Variants in CMPK2 observed in about 807,000 individuals in gnomAD.
CMPK2 encodes the protein UMP-CMP kinase 2, mitochondrial.
In CMPK2, 32 loss-of-function variants were observed where a neutral mutation model predicts 33.4. The observed-to-expected ratio is 0.96, with a 90% CI of 0.72 to 1.29. CMPK2 has a LOEUF of 1.29. CMPK2 is among the 50% of genes most tolerant of loss of function. CMPK2 has a pLI of 0.00. For missense variants in CMPK2, 672 were observed against 616.0 expected, an observed-to-expected ratio of 1.09 and a Z score of -0.96; for synonymous variants, 299 against 275.3, an observed-to-expected ratio of 1.09 and a Z score of -0.85.
chr2:6,844,557 A>G (rs1206605468), downstream of CMPK2, among the ~76,000 whole-genome samples: 1 of 152,142 alleles, frequency 6.6e-6, no homozygotes, highest in Non-Finnish European at 1.5e-5. Context: ...TGCACATCCA[A>G]AAGTGTTTTC....
intron 1 of CMPK2, 77 bp downstream of exon 1, chr2:6,864,945 C>A (rs2103230035): frequency 7.4e-7 from 1 of 1,348,140 alleles, no homozygotes; most frequent in East Asian, 3.1e-5. Flanking sequence ...GCTCTACAGA[C>A]CAGCCTCTTG....
At chr2:6,854,541 G>A (rs1662626759) in intron 3 of CMPK2, among the ~76,000 whole-genome samples, 1 of 152,152 alleles carries the variant, frequency 6.6e-6, no homozygotes, top group South Asian at 2.1e-4. Context: ...ACACAAAGAA[G>A]ACAAATCAAG....
exon 4 of CMPK2, chr2:6,840,632 C>T (rs1369673396): frequency 1.0e-5 from 7 of 702,092 alleles, no homozygotes; most frequent in African/African-American, 3.5e-5. Context: ...ACTTCACTGC[C>T]GAGCAGGTGG....
At chr2:6,865,996 C>G, upstream of CMPK2, 1 of 713,226 alleles carries the variant, frequency 1.4e-6, no homozygotes, top group South Asian at 2.2e-5. Flanking sequence ...TCCCCAGGCG[C>G]CGGCTCCCGG....
chr2:6,850,617 C>A (rs1662489118), intron 4 of CMPK2: 1 of 433,674 alleles, frequency 2.3e-6, no homozygotes, highest in Admixed American at 6.4e-5. Context: ...GTCTCAGTTT[C>A]CTGTTCTGCA....
chr2:6,865,489 C>T lies in CMPK2; in HGVS notation c.208G>A (p.Glu70Lys), dbSNP rs1472941797. 9 of 1,269,050 alleles carry T rather than the reference C, an allele frequency of 7.1e-6. No homozygotes were observed. In the African/African-American group the frequency reaches 7.8e-5, roughly 11 times the overall value. The allele number at this position is 1,269,050 out of a possible 1,614,324, so 78.6% of individuals were successfully genotyped here. ...PRLAALLGPP[E>K]RSYSLCVPVT... ...GGCACGCACAGCGAGTAGCTGCGCT[C>T]CGGGGGCCCCAGCAGCGCCGCCAGG... Residue 70 changes from glutamate (E) to lysine (K), a missense_variant, in exon 1 of 5, where the codon GAG becomes AAG. Transcript: ENST00000256722.
At chr2:6,840,686 G>A (rs1662207348) in intron 3 of CMPK2, 4 of 701,988 alleles carry the variant, frequency 5.7e-6, no homozygotes, top group South Asian at 4.4e-5. Context: ...GACCTAGAGA[G>A]GGGAAAAGAG....
intron 3 of CMPK2, among the ~76,000 whole-genome samples, chr2:6,855,139 T>G (rs2103222050): frequency 6.8e-6 from 1 of 146,968 alleles, no homozygotes. Flanking sequence ...AATAATAATA[T>G]CAAAAACCAC....
chr2:6,847,716 C>G (rs1042622507), downstream of CMPK2, among the ~76,000 whole-genome samples: 4 of 152,098 alleles, frequency 2.6e-5, no homozygotes, highest in Non-Finnish European at 5.9e-5. Flanking sequence ...TGAATACAGC[C>G]GATATGAAGA....
chr2:6,859,901 T>G (rs1420531912), intron 3 of CMPK2, among the ~76,000 whole-genome samples: 1 of 152,184 alleles, frequency 6.6e-6, no homozygotes, highest in Non-Finnish European at 1.5e-5. Flanking sequence ...CTGGAAAAGC[T>G]GCAGACAACA....
intron 3 of CMPK2, among the ~76,000 whole-genome samples, chr2:6,856,231 C>T (rs944690118): frequency 6.6e-6 from 1 of 152,230 alleles, no homozygotes. Context: ...CACAACAACA[C>T]AGGCAAATCT....
In CMPK2 at chr2:6,865,326, G is replaced by T. The variant is rs1453976874; in HGVS notation, c.371C>A (p.Ala124Asp). 1 of 1,492,896 alleles carries T rather than the reference G, an allele frequency of 6.7e-7. No individual in the cohort carries two copies. The highest frequency in any genetic ancestry group is 2.2e-5 in the Admixed American group (1 of 46,310). The allele number at this position is 1,492,896 out of a possible 1,614,324, so 92.5% of individuals were successfully genotyped here. A position where few individuals can be genotyped will look rare whatever the true frequency, so the allele number is the denominator to read the frequency against. ...RLLCYCPGGQ[A>D]GGAQQGFLLR... ...CAGGAAGCCTTGCTGTGCGCCGCCGGCCTGGCCGCCCGGGCAGTAGCAGAG... is the reference window on the plus strand; with the variant it reads ...CAGGAAGCCTTGCTGTGCGCCGCCGTCCTGGCCGCCCGGGCAGTAGCAGAG... The change falls in exon 1 of 5, where the codon GCC (alanine) becomes GAC (aspartate). Residue 124 changes from alanine to aspartate, a missense_variant. By Grantham distance (126) the Ala-to-Asp change is moderately radical (BLOSUM62 -2). Transcript: ENST00000256722.
intron 3 of CMPK2, among the ~76,000 whole-genome samples, chr2:6,858,364 A>C (rs942244347): frequency 6.6e-6 from 1 of 151,620 alleles, no homozygotes; most frequent in East Asian, 1.9e-4. Flanking sequence ...ATCTTACCTC[A>C]TCTTATGTAT....
rs7562980 is a variant in CMPK2, at chr2:6,849,508, T to C, written c.*342A>G. 3,254 of 1,045,814 alleles carry C rather than the reference T, an allele frequency of 3.1e-3. 93 individuals are homozygous for C. In the African/African-American group the frequency reaches 0.052, roughly 17 times the overall value. The allele number at this position is 1,045,814 out of a possible 1,614,324, so 64.8% of individuals were successfully genotyped here. A position where few individuals can be genotyped will look rare whatever the true frequency, so the allele number is the denominator to read the frequency against. On this transcript the variant is annotated 3_prime_UTR_variant, in exon 5 of 5. Transcript: ENST00000256722. ...CCCTGCTGATCTGGAAGATCTTGTC[T>C]GCTGCTTCTGTACACCTGGTGCTGT...
chr2:6,849,312 G>A lies in CMPK2; in HGVS notation c.*538C>T, dbSNP rs557237232. ...GGCTCTGCAGGAGTGTCCTTGGGCA[G>A]CCAGGACACATAGACAGCCTCTGCA... On this transcript the variant is annotated 3_prime_UTR_variant, in exon 5 of 5. Transcript: ENST00000256722. The A allele has an allele frequency of 3.0e-6, 3 of 985,698 alleles. No homozygotes were observed. The South Asian group carries it at 1.4e-4, about 46-fold the overall frequency. 61.1% of individuals were successfully genotyped at this position (985,698 alleles called of 1,614,324 possible).
At chr2:6,863,049 G>C (rs747976935) in intron 2 of CMPK2, among the ~76,000 whole-genome samples, 1 of 152,068 alleles carries the variant, frequency 6.6e-6, no homozygotes, top group Non-Finnish European at 1.5e-5. Flanking sequence ...ATTGCCTGTG[G>C]TTCCTGGACA....
exon 4 of CMPK2, chr2:6,840,644 G>A (rs771932061): frequency 7.4e-5 from 52 of 702,304 alleles, no homozygotes; most frequent in Middle Eastern, 6.9e-4. Flanking sequence ...AGCAGGTGGA[G>A]AGAAGGATGG....
Position 6,865,091 on chromosome 2 carries a change from C to T in CMPK2, c.606G>A (p.Pro202=). ...VVPVPEPPLH[P]VVPDLPSSVV... Reference sequence around the variant, plus strand: ...CGGAACTGGGCAAGTCTGGCACCACCGGGTGCAGCGGGGGCTCCGGGACGG... The same window carrying T: ...CGGAACTGGGCAAGTCTGGCACCACTGGGTGCAGCGGGGGCTCCGGGACGG... Residue 202 remains proline, a synonymous_variant, in exon 1 of 5, where the codon CCG becomes CCA. Coordinates refer to ENST00000256722, the MANE Select transcript of CMPK2 (RefSeq NM_207315.4). 1.3e-6 allele frequency: 2 copies of T among 1,492,330 alleles called. No individual in the cohort carries two copies. Among genetic ancestry groups the T allele is most frequent in the East Asian group, 2.8e-5 (1 of 36,358 alleles). 92.4% of individuals were successfully genotyped at this position (1,492,330 alleles called of 1,614,324 possible).
intron 4 of CMPK2, chr2:6,850,551 C>G (rs1334653393): frequency 1.2e-5 from 2 of 171,756 alleles, no homozygotes; most frequent in Admixed American, 1.3e-4. Flanking sequence ...GCATTCACAA[C>G]TCTGCCTGAC....
Sources: allele counts gnomAD v4.1 joint callset (sites outside exome capture counted in the v4.1 genomes callset), GRCh38; gene constraint gnomAD v4.1.1; transcripts MANE v1.5; gene names NCBI Gene and HGNC (gene_info 2026-07-23, HGNC 2026-07-21).